CNTFR: variants seen among roughly 807,000 people sequenced by gnomAD.
CNTFR encodes the protein ciliary neurotrophic factor receptor subunit alpha.
A neutral mutation model predicts 40.4 loss-of-function variants in CNTFR; 12 were observed. The ratio of observed to expected loss-of-function variants is 0.30; its 90% CI spans 0.19 to 0.48. CNTFR has a LOEUF of 0.48. Among genes scored for constraint, CNTFR ranks in the 20% least tolerant of loss-of-function variants. The probability of loss-of-function intolerance (pLI) is 0.99; values close to 1 mark genes in which losing one functional copy is unlikely to be tolerated. For missense variants in CNTFR, 414 were observed against 506.8 expected (o/e 0.82, Z 1.76); for synonymous variants, 202 against 209.6 (o/e 0.96, Z 0.31).
chr9:34,555,891 T>A (rs1825811482), intron 7 of CNTFR, among the ~76,000 whole-genome samples: 1 of 137,764 alleles, frequency 7.3e-6, no homozygotes. Flanking sequence ...CTGCCCGCCA[T>A]CTCCCTCCCC....
intron 2 of CNTFR, among the ~76,000 whole-genome samples, chr9:34,577,629 C>T (rs575566463): frequency 6.7e-6 from 1 of 150,120 alleles, no homozygotes; most frequent in African/African-American, 2.4e-5. Flanking sequence ...CACCCCCACA[C>T]GCTGGGCCTC....
At chr9:34,576,097 C>T (rs550649090) in intron 2 of CNTFR, among the ~76,000 whole-genome samples, 5 of 152,244 alleles carry the variant, frequency 3.3e-5, no homozygotes, top group African/African-American at 7.2e-5. Context: ...TCACTACACC[C>T]GGCAGAGCTC....
chr9:34,583,735 T>C (rs1310926146), intron 1 of CNTFR, among the ~76,000 whole-genome samples: 1 of 152,188 alleles, frequency 6.6e-6, no homozygotes, highest in Non-Finnish European at 1.5e-5. Flanking sequence ...CCAATATTGA[T>C]TCCATTATTT....
At chr9:34,582,381 A>G (rs1348038864) in intron 1 of CNTFR, 1 of 152,030 alleles carries the variant, frequency 6.6e-6, no homozygotes, top group Non-Finnish European at 1.5e-5. Flanking sequence ...GGCCAAAGTC[A>G]TACAACTGGT....
intron 1 of CNTFR, among the ~76,000 whole-genome samples, chr9:34,585,317 A>G (rs941504144): frequency 2.6e-5 from 4 of 152,170 alleles, no homozygotes; most frequent in African/African-American, 9.7e-5. Flanking sequence ...ATGGTGGGGC[A>G]CACTGACTAC....
At chr9:34,573,251 C>G (rs1275912883) in intron 2 of CNTFR, among the ~76,000 whole-genome samples, 2 of 152,238 alleles carry the variant, frequency 1.3e-5, no homozygotes, top group Non-Finnish European at 2.9e-5. Context: ...TGCAGAATTA[C>G]AGCAGTTTAG....
rs371878727 is a variant in CNTFR at position 34,552,898 on chromosome 9, C to T, written c.769-44G>A. The stretch of plus-strand genomic sequence containing the variant: ...GTGGGGGTAAGGACACACCTGGGGG[C>T]CAGGAGGGTGAGGTCCCTCCAGAGG... On this transcript the variant is annotated intron_variant, in intron 7 of 9. Transcript: ENST00000378980. This position sits in a 1 kb window ranked among gnomAD's most constrained non-coding sequence, Gnocchi z 5.1. The T allele has an allele frequency of 3.8e-6, 6 of 1,589,146 alleles. No individual in the cohort carries two copies. The Admixed American group carries it at 7.1e-5, about 19-fold the overall frequency.
chr9:34,574,187 C>T (rs955748901), intron 2 of CNTFR, among the ~76,000 whole-genome samples: 2 of 151,968 alleles, frequency 1.3e-5, no homozygotes, highest in Non-Finnish European at 2.9e-5. Context: ...GCAGCTGGCC[C>T]GGCAGGCCCC....
At chr9:34,589,863 C>A (rs1827707481), upstream of CNTFR, 1 of 150,586 alleles carries the variant, frequency 6.6e-6, no homozygotes, top group Non-Finnish European at 1.5e-5. This position sits in a 1 kb window ranked among gnomAD's most constrained non-coding sequence, Gnocchi z 4.4. Context: ...CCCCTCTTGC[C>A]TTGTCTCCCC....
chr9:34,575,464 G>A (rs543402031), intron 2 of CNTFR, among the ~76,000 whole-genome samples: 6 of 152,152 alleles, frequency 3.9e-5, no homozygotes, highest in Non-Finnish European at 5.9e-5. Flanking sequence ...CGAAGCGGAC[G>A]CCGGGGACAG....
chr9:34,570,560 A>G (rs528082075), intron 2 of CNTFR, among the ~76,000 whole-genome samples: 1 of 152,314 alleles, frequency 6.6e-6, no homozygotes, highest in East Asian at 1.9e-4. Flanking sequence ...CCAGAAAAAC[A>G]GCTTGAGAGA....
chr9:34,561,610 A>G (rs999785112), intron 4 of CNTFR, among the ~76,000 whole-genome samples: 2 of 152,232 alleles, frequency 1.3e-5, no homozygotes, highest in African/African-American at 4.8e-5. Context: ...GACTTCCAAC[A>G]GAATACTGTT....
Position 34,564,712 on chromosome 9 carries a change from A to G in CNTFR, c.206T>C (p.Leu69Pro). Residue 69 changes from leucine to proline, a missense_variant, in exon 4 of 10, where the codon CTC becomes CCC. Transcript: ENST00000378980. Reference sequence around the variant, plus strand: ...ATGGAGCACCAGCTGAGAGCCGTTGAGCAGGTCAGGGGCCAGGTCTGTCCC... The same window carrying G: ...ATGGAGCACCAGCTGAGAGCCGTTGGGCAGGTCAGGGGCCAGGTCTGTCCC... ...VNGTDLAPDL[L>P]NGSQLVLHGL... The G allele has an allele frequency of 6.2e-7, 1 of 1,614,096 alleles. No individual in the cohort carries two copies. The highest frequency in any genetic ancestry group is 8.5e-7 in the Non-Finnish European group (1 of 1,180,000).
At chr9:34,579,618 G>T (rs1297937419) in intron 2 of CNTFR, among the ~76,000 whole-genome samples, 1 of 151,904 alleles carries the variant, frequency 6.6e-6, no homozygotes, top group Non-Finnish European at 1.5e-5. Context: ...GTGATGGGAG[G>T]CCAAAGGAAG....
chr9:34,580,200 A>C (rs1827215342), intron 2 of CNTFR: 1 of 152,262 alleles, frequency 6.6e-6, no homozygotes, highest in African/African-American at 2.4e-5. Flanking sequence ...ACTCCTCCCA[A>C]GGTACCCCCC....
At chr9:34,583,934 C>T (rs2132262620) in intron 1 of CNTFR, among the ~76,000 whole-genome samples, 1 of 152,286 alleles carries the variant, frequency 6.6e-6, no homozygotes, top group East Asian at 1.9e-4. Context: ...CACTGTGCAG[C>T]TCCCTTCTGG....
Position 34,557,290 on chromosome 9 carries a change from G to C in CNTFR, c.604+236C>G, listed in dbSNP as rs1316654317. Among the ~76,000 whole-genome samples the C allele has an allele frequency of 6.6e-6, 1 of 152,106 alleles. No homozygotes were observed. The highest frequency in any genetic ancestry group is 1.5e-5 in the Non-Finnish European group (1 of 68,022). ...TGTTCTGGGAGCCAGAAAAATGATCGAAAGAGCTGCTGGACAGGTCTCTCG... is the reference window on the plus strand; with the variant it reads ...TGTTCTGGGAGCCAGAAAAATGATCCAAAGAGCTGCTGGACAGGTCTCTCG... On this transcript the variant is annotated intron_variant, in intron 6 of 9. Coordinates refer to ENST00000378980, the MANE Select transcript of CNTFR (RefSeq NM_147164.3). The surrounding 1 kb of genome is among the most constrained non-coding windows in gnomAD (Gnocchi z 4.2).
Position 34,564,605 on chromosome 9 carries a change from C to T in CNTFR, c.313G>A (p.Val105Met), listed in dbSNP as rs779347066. The T allele has an allele frequency of 8.1e-6, 13 of 1,609,184 alleles. No individual in the cohort carries two copies. The highest frequency in any genetic ancestry group is 9.3e-6 in the Non-Finnish European group (11 of 1,177,916). Residue 105 changes from valine to methionine, a missense_variant, in exon 4 of 10, where the codon GTG (valine) becomes ATG (methionine). Coordinates refer to ENST00000378980, the MANE Select transcript of CNTFR (RefSeq NM_147164.3). ...WHLRHQVLLH[V>M]GLPPREPVLS... Reference sequence around the variant, plus strand: ...GGGTGGGGGCAACACTTACAGCCCACATGCAGCAGGACTTGGTGGCGCAGG... The same window carrying T: ...GGGTGGGGGCAACACTTACAGCCCATATGCAGCAGGACTTGGTGGCGCAGG...
chr9:34,579,259 G>A (rs1827165017), intron 2 of CNTFR, among the ~76,000 whole-genome samples: 1 of 151,856 alleles, frequency 6.6e-6, no homozygotes, highest in Non-Finnish European at 1.5e-5. Context: ...GATTAATGGG[G>A]TTACGGGCTT....
Sources: gnomAD v4.1 joint callset for allele counts (sites outside exome capture counted in the v4.1 genomes callset) on GRCh38, gnomAD v4.1.1 for gene constraint, Gnocchi (gnomAD v3.1) non-coding constraint, MANE v1.5 for transcripts, NCBI Gene and HGNC (gene_info 2026-07-23, HGNC 2026-07-21) for gene names.